ARPC1B: variants seen among roughly 807,000 people sequenced by gnomAD.
ARPC1B encodes actin-related protein 2/3 complex subunit 1B.
ARPC1B carries 29 observed loss-of-function variants against 46.0 expected under a neutral mutation model. That is an observed-to-expected ratio of 0.63 (90% CI 0.47 to 0.86). The LOEUF is 0.86. Among genes scored for constraint, ARPC1B ranks in the 40% least tolerant of loss-of-function variants. The probability of loss-of-function intolerance (pLI) is 0.00; values close to 1 mark genes in which losing one functional copy is unlikely to be tolerated. For missense variants in ARPC1B, 469 were observed against 529.4 expected (o/e 0.89, Z 1.12); for synonymous variants, 201 against 213.9 (o/e 0.94, Z 0.53).
intron 7 of ARPC1B, 74 bp from the exon 8 acceptor site, chr7:99,392,591 CGGCCAG>C: frequency 7.8e-7 from 1 of 1,283,706 alleles, no homozygotes; most frequent in Non-Finnish European, 1.0e-6. Flanking sequence ...GCCTCCCGGG[CGGCCAG>C]ACGCCCGCCT....
At chr7:99,376,116 A>T (rs1027745574) in intron 1 of ARPC1B, among the ~76,000 whole-genome samples, 2 of 151,440 alleles carry the variant, frequency 1.3e-5, no homozygotes, top group African/African-American at 4.9e-5. Context: ...ACTTAGGAGG[A>T]TGAGGCAAGA....
At chr7:99,393,512 C>T (rs1794650324) in intron 8 of ARPC1B, among the ~76,000 whole-genome samples, 1 of 151,994 alleles carries the variant, frequency 6.6e-6, no homozygotes, top group Admixed American at 6.6e-5. Context: ...CTGAGGGTCT[C>T]TCCGCAGCCT....
chr7:99,393,799 GAC>G lies in ARPC1B; in HGVS notation c.990-225_990-224del, dbSNP rs541848966. 2.0e-5 allele frequency among the ~76,000 whole-genome samples: 3 copies of G among 152,240 alleles called. No homozygotes were observed. The South Asian group carries it at 6.2e-4, about 32-fold the overall frequency. On this transcript the variant is annotated intron_variant, in intron 8 of 9. Transcript: ENST00000646101. ...CTGCTGGCACTGTGTACACTCCGCA[GAC>G]ACACGTGTCTTTCCTGCCTCCCAGG...
chr7:99,388,270 C>G lies in ARPC1B; in HGVS notation c.392+9C>G. On this transcript the variant is annotated intron_variant, in intron 4 of 9. Transcript: ENST00000646101. ...GAGCAGGAGAATGACTGGTGGGTACCTAGGCAGGGCCAGAGTGGGCTGTTA... is the reference window on the plus strand; with the variant it reads ...GAGCAGGAGAATGACTGGTGGGTACGTAGGCAGGGCCAGAGTGGGCTGTTA... 6.2e-7 allele frequency: 1 copy of G among 1,613,070 alleles called. No individual in the cohort carries two copies.
intron 1 of ARPC1B, among the ~76,000 whole-genome samples, chr7:99,384,949 G>A (rs900056391): frequency 2.1e-5 from 3 of 140,440 alleles, no homozygotes; most frequent in African/African-American, 8.2e-5. Flanking sequence ...CACCACACCT[G>A]GCTAATTTTT....
rs970008058 is a variant in ARPC1B, at chr7:99,394,486, A to G, written c.1116A>G (p.Lys372=). The G allele has an allele frequency of 6.2e-7, 1 of 1,614,056 alleles. No homozygotes were observed. Among genetic ancestry groups the G allele is most frequent in the Non-Finnish European group, 8.5e-7 (1 of 1,180,020 alleles). ...LESALKDLKI[K] is the part of the protein sequence containing the mutation. ...CAGCCTTGAAGGACCTCAAGATCAA[A>G]TGACCTGTGAGGAATATGTTGCCTT... Residue 372 remains lysine (K), a synonymous_variant, in exon 10 of 10, where the codon AAA becomes AAG. Transcript: ENST00000646101.
At chr7:99,394,177 A>T in intron 9 of ARPC1B, 58 bp downstream of exon 9, 1 of 1,558,158 alleles carries the variant, frequency 6.4e-7, no homozygotes, top group Non-Finnish European at 8.8e-7. Context: ...CTTTCCCCCC[A>T]TCCCCACTCC....
At position 99,392,790 on chromosome 7, in the gene ARPC1B, C is replaced by G; in HGVS notation, c.903C>G (p.Arg301=). 1 of 1,549,946 alleles carries G rather than the reference C, an allele frequency of 6.5e-7. No individual in the cohort carries two copies. The highest frequency in any genetic ancestry group is 8.7e-7 in the Non-Finnish European group (1 of 1,146,734). ...AGCGTGGCTTGACGGCCCGCGAGCG[C>G]TTCCAGAACCTGGACAAGAAGGCGA... ...SSQRGLTARE[R]FQNLDKKASS... Residue 301 remains arginine, a synonymous_variant, in exon 8 of 10, where the codon CGC becomes CGG. Coordinates refer to ENST00000646101, the MANE Select transcript of ARPC1B (RefSeq NM_005720.4).
chr7:99,388,215 G>A lies in ARPC1B; in HGVS notation c.346G>A (p.Gly116Ser), dbSNP rs769870868. 54 of 1,614,106 alleles carry A rather than the reference G, an allele frequency of 3.3e-5. No individual in the cohort carries two copies. In the South Asian group the frequency reaches 4.0e-4, roughly 12 times the overall value. Residue 116 changes from glycine (G) to serine (S), a missense_variant, in exon 4 of 10, where the codon GGC becomes AGC. Physicochemically the swap from Gly to Ser is moderately conservative, Grantham distance 56. Transcript: ENST00000646101. Reference protein sequence around the residue: ...PNENKFAVGSGSRVISICYFE... With the variant: ...PNENKFAVGSSSRVISICYFE... Reference sequence around the variant, plus strand: ...CGAGAACAAGTTTGCTGTGGGCAGCGGCTCTCGTGTGATCTCCATCTGTTA... The same window carrying A: ...CGAGAACAAGTTTGCTGTGGGCAGCAGCTCTCGTGTGATCTCCATCTGTTA...
At chr7:99,394,351 C>A in intron 9 of ARPC1B, 100 bp from the exon 10 acceptor site, 2 of 1,189,848 alleles carry the variant, frequency 1.7e-6, no homozygotes, top group Non-Finnish European at 2.5e-6. Flanking sequence ...AGGTTCTCTG[C>A]CCTCTGCTGT....
chr7:99,376,707 C>T (rs1242142246), intron 1 of ARPC1B: 1 of 152,156 alleles, frequency 6.6e-6, no homozygotes, highest in Non-Finnish European at 1.5e-5. Flanking sequence ...CCCGTCACTA[C>T]TAAAAATACA....
rs1485002584 is a variant in ARPC1B, at chr7:99,391,162, A to C, written c.708-16A>C. The C allele has an allele frequency of 1.9e-6, 3 of 1,613,778 alleles. No homozygotes were observed. Among genetic ancestry groups the C allele is most frequent in the Non-Finnish European group, 2.5e-6 (3 of 1,179,824 alleles). The stretch of plus-strand genomic sequence containing the variant: ...AGAGGAGTGGGACACCGTGACTCAC[A>C]GCTCTCTCCCCTCAGCGTCGCGACT... On this transcript the variant is annotated splice_polypyrimidine_tract_variant and intron_variant, in intron 6 of 9. Transcript: ENST00000646101.
chr7:99,376,776 A>G (rs1794040069), intron 1 of ARPC1B, among the ~76,000 whole-genome samples: 1 of 151,764 alleles, frequency 6.6e-6, no homozygotes, highest in Non-Finnish European at 1.5e-5. Flanking sequence ...AGGCTGAGGC[A>G]GGAGAATCGC....
chr7:99,375,286 T>G, intron 1 of ARPC1B, among the ~76,000 whole-genome samples: 1 of 152,136 alleles, frequency 6.6e-6, no homozygotes, highest in East Asian at 1.9e-4. Flanking sequence ...CCTTCCGGGT[T>G]GCAGCCGCCG....
In ARPC1B at chr7:99,389,989, C is replaced by A. The variant is rs200945199; in HGVS notation, c.477C>A (p.Ala159=). 2 of 1,614,110 alleles carry A rather than the reference C, an allele frequency of 1.2e-6. No homozygotes were observed. The highest frequency in any genetic ancestry group is 1.7e-6 in the Non-Finnish European group (2 of 1,180,008). Residue 159 remains alanine, a synonymous_variant, in exon 5 of 10, where the codon GCC becomes GCA. Coordinates refer to ENST00000646101, the MANE Select transcript of ARPC1B (RefSeq NM_005720.4). ...ACCCCAACAATGTGCTGCTGGCTGC[C>A]GGCTCCTGTGACTTCAAGTGTCGGT... The part of the protein sequence containing the change: ...DWHPNNVLLA[A]GSCDFKCRIF...
intron 5 of ARPC1B, among the ~76,000 whole-genome samples, chr7:99,390,492 T>C (rs956632428): frequency 6.6e-6 from 1 of 152,096 alleles, no homozygotes. Context: ...TTCTCCTGCC[T>C]TAGCCTCCTG....
intron 1 of ARPC1B, chr7:99,384,300 C>A (rs941862721): frequency 1.3e-5 from 2 of 152,358 alleles, no homozygotes; most frequent in Non-Finnish European, 2.9e-5. Context: ...ACATCTCCCT[C>A]GTTCTGGCCG....
intron 7 of ARPC1B, chr7:99,392,014 G>A (rs548037725): frequency 6.6e-5 from 10 of 152,154 alleles, no homozygotes; most frequent in Admixed American, 3.3e-4. Context: ...GTGAGCCACC[G>A]AGACTCCATC....
Position 99,394,742 on chromosome 7 carries a change from CT to C in ARPC1B, c.*254del. On this transcript the variant is annotated 3_prime_UTR_variant, in exon 10 of 10. Coordinates refer to ENST00000646101, the MANE Select transcript of ARPC1B (RefSeq NM_005720.4). ...CCCAAAGCACTATGCTGGTCATGAA[CT>C]GCTTCAAAATGTGGAGGTAATAAAA... 1 of 1,196,866 alleles carries C rather than the reference CT, an allele frequency of 8.4e-7. No individual in the cohort carries two copies. The highest frequency in any genetic ancestry group is 1.0e-6 in the Non-Finnish European group (1 of 979,518). 74.1% of individuals were successfully genotyped at this position (1,196,866 alleles called of 1,614,324 possible).
Sources: gnomAD v4.1 joint callset for allele counts (sites outside exome capture counted in the v4.1 genomes callset) on GRCh38, gnomAD v4.1.1 for gene constraint, MANE v1.5 for transcripts, NCBI Gene and HGNC (gene_info 2026-07-23, HGNC 2026-07-21) for gene names.